Variants in COL11A1 observed in about 807,000 individuals in gnomAD.
COL11A1 encodes collagen type XI alpha 1 chain.
A neutral mutation model predicts 265.2 loss-of-function variants in COL11A1; 74 were observed. The observed-to-expected ratio is 0.28, with a 90% confidence interval of 0.23 to 0.34. COL11A1 has a LOEUF of 0.34. COL11A1 is among the 10% of genes least tolerant of loss of function. The pLI is 1.00. For missense variants in COL11A1, 2,165 were observed against 2,263.6 expected, an observed-to-expected ratio of 0.96 and a Z score of 0.88; for synonymous variants, 816 against 727.6, an observed-to-expected ratio of 1.12 and a Z score of -1.96.
At chr1:102,918,904 G>A (rs1655658909) in intron 49 of COL11A1, among the ~76,000 whole-genome samples, 1 of 151,978 alleles carries the variant, frequency 6.6e-6, no homozygotes, top group Admixed American at 6.6e-5. Context: ...CTTTCCCTCT[G>A]CATTCAAATT....
At chr1:103,010,368 GA>G (rs1251849407) in intron 14 of COL11A1, among the ~76,000 whole-genome samples, 1 of 152,036 alleles carries the variant, frequency 6.6e-6, no homozygotes, top group East Asian at 1.9e-4. Flanking sequence ...GAAACAATAT[GA>G]TTTTTTTCTC....
chr1:102,941,296 G>C (rs753481904), intron 42 of COL11A1, among the ~76,000 whole-genome samples: 18 of 151,864 alleles, frequency 1.2e-4, no homozygotes, highest in Admixed American at 2.6e-4. Flanking sequence ...TGGTATCCTT[G>C]TTCTGAGCTA....
chr1:102,921,448 G>A (rs979723241), intron 48 of COL11A1, 70 bp downstream of exon 48: 40 of 1,246,042 alleles, frequency 3.2e-5, no homozygotes, highest in Non-Finnish European at 4.3e-5. Flanking sequence ...AACTCACAAA[G>A]AGCATCTGCT....
At chr1:103,072,995 A>T (rs920247044) in intron 4 of COL11A1, among the ~76,000 whole-genome samples, 1 of 151,818 alleles carries the variant, frequency 6.6e-6, no homozygotes, top group African/African-American at 2.4e-5. Context: ...AACTAACTAC[A>T]CTTAATAGTA....
chr1:103,047,873 G>T (rs958688647), intron 4 of COL11A1, among the ~76,000 whole-genome samples: 37 of 152,246 alleles, frequency 2.4e-4, no homozygotes, highest in Middle Eastern at 3.4e-3. Flanking sequence ...TGTAGTTTTT[G>T]TCTTTGATTC....
chr1:103,041,580 T>C (rs1668811696), intron 4 of COL11A1, among the ~76,000 whole-genome samples: 2 of 152,008 alleles, frequency 1.3e-5, no homozygotes, highest in African/African-American at 4.8e-5. Context: ...GATACATTCA[T>C]TCTTTAGAGA....
At chr1:102,920,788 A>G (rs1655900093) in intron 48 of COL11A1, among the ~76,000 whole-genome samples, 1 of 152,198 alleles carries the variant, frequency 6.6e-6, no homozygotes, top group Non-Finnish European at 1.5e-5. Flanking sequence ...AAGAATGAAA[A>G]TCTAAAAACT....
chr1:102,886,763 T>G (rs1651029627), intron 63 of COL11A1, 44 bp downstream of exon 63: 4 of 1,613,224 alleles, frequency 2.5e-6, no homozygotes, highest in African/African-American at 1.3e-5. Context: ...CCTCAGAAAC[T>G]CAGGGGCTCG....
At chr1:103,061,178 A>T (rs7542602) in intron 4 of COL11A1, among the ~76,000 whole-genome samples, 5,258 of 152,282 alleles carry the variant, frequency 0.035, 328 homozygotes, top group African/African-American at 0.12. Flanking sequence ...ATTACATGAT[A>T]ATAAGGGTAA....
At chr1:103,044,181 A>G (rs1669061129) in intron 4 of COL11A1, among the ~76,000 whole-genome samples, 2 of 146,028 alleles carry the variant, frequency 1.4e-5, no homozygotes, top group Admixed American at 6.8e-5. Context: ...TTTTTTTTCA[A>G]ACACCCCATA....
chr1:103,075,695 TC>T (rs1671923558), intron 3 of COL11A1, among the ~76,000 whole-genome samples: 1 of 152,076 alleles, frequency 6.6e-6, no homozygotes, highest in Non-Finnish European at 1.5e-5. Flanking sequence ...TTATTTTTTT[TC>T]CAAATGAAAA....
At chr1:103,045,312 T>C (rs1329826066) in intron 4 of COL11A1, among the ~76,000 whole-genome samples, 1 of 152,164 alleles carries the variant, frequency 6.6e-6, no homozygotes, top group East Asian at 1.9e-4. Context: ...CATTTGTTCT[T>C]TTGGCCAGGT....
intron 1 of COL11A1, among the ~76,000 whole-genome samples, chr1:103,084,138 A>T (rs1427565531): frequency 6.6e-6 from 1 of 152,174 alleles, no homozygotes; most frequent in Non-Finnish European, 1.5e-5. Context: ...TAAGTGTACA[A>T]TTCAGTAGCA....
At chr1:102,954,520 G>A (rs1016260708) in intron 41 of COL11A1, among the ~76,000 whole-genome samples, 2 of 152,012 alleles carry the variant, frequency 1.3e-5, no homozygotes, top group Non-Finnish European at 2.9e-5. Context: ...ACAACTAGAG[G>A]GCAAAAACAC....
intron 21 of COL11A1, 134 bp from the exon 22 acceptor site, chr1:103,002,925 G>A (rs1665255931): frequency 5.6e-6 from 5 of 899,810 alleles, no homozygotes; most frequent in South Asian, 1.5e-5. Context: ...TAATGGAAAC[G>A]AAGAAGAGAC....
chr1:103,086,402 G>A (rs1025464225), intron 1 of COL11A1, among the ~76,000 whole-genome samples: 1 of 150,466 alleles, frequency 6.6e-6, no homozygotes, highest in South Asian at 2.2e-4. Context: ...AGTCCACAAC[G>A]TATCTATTTT....
chr1:102,916,385 C>A (rs1179081483), intron 49 of COL11A1, among the ~76,000 whole-genome samples: 2 of 151,976 alleles, frequency 1.3e-5, no homozygotes, highest in Admixed American at 1.3e-4. Context: ...ATTCAAAATG[C>A]ACAAAAATAT....
chr1:103,093,783 G>A (rs539399306), intron 1 of COL11A1, among the ~76,000 whole-genome samples: 1 of 152,196 alleles, frequency 6.6e-6, no homozygotes, highest in East Asian at 1.9e-4. Flanking sequence ...ATAACCCCAT[G>A]AATTCAATGA....
At chr1:103,106,490 A>C (rs1014779611) in intron 1 of COL11A1, among the ~76,000 whole-genome samples, 1 of 152,180 alleles carries the variant, frequency 6.6e-6, no homozygotes, top group Non-Finnish European at 1.5e-5. Flanking sequence ...CAGGAATTCT[A>C]AATAATAAAC....
Sources: allele counts gnomAD v4.1 joint callset (sites outside exome capture counted in the v4.1 genomes callset), GRCh38; gene constraint gnomAD v4.1.1; transcripts MANE v1.5; gene names NCBI Gene and HGNC (gene_info 2026-07-23, HGNC 2026-07-21).